ERC2: variants seen among roughly 807,000 people sequenced by gnomAD.
The protein encoded by ERC2 is ERC protein 2.
Under a neutral mutation model 114.8 loss-of-function variants are expected in ERC2, and 42 were observed. The ratio of observed to expected loss-of-function variants is 0.37; its 90% CI spans 0.29 to 0.47. The LOEUF is 0.47. Ranked by LOEUF, ERC2 falls within the 20% of genes least tolerant of loss-of-function variation. The probability of loss-of-function intolerance (pLI) is 0.99; values close to 1 mark genes in which losing one functional copy is unlikely to be tolerated. For missense variants in ERC2, 939 were observed against 1,150.7 expected, an observed-to-expected ratio of 0.82 and a Z score of 2.66; for synonymous variants, 454 against 425.5, an observed-to-expected ratio of 1.07 and a Z score of -0.82.
At chr3:56,222,477 A>G (rs985583585) in intron 3 of ERC2, among the ~76,000 whole-genome samples, 7 of 152,060 alleles carry the variant, frequency 4.6e-5, no homozygotes, top group East Asian at 3.9e-4. Flanking sequence ...TCTTCTCTCA[A>G]TTCTCAACTA....
intron 1 of ERC2, among the ~76,000 whole-genome samples, chr3:56,461,477 G>A (rs561421260): frequency 3.9e-4 from 60 of 152,298 alleles, no homozygotes; most frequent in African/African-American, 1.4e-3. Flanking sequence ...AGAGGGCACT[G>A]GGTGCTCTCA....
At chr3:56,037,353 C>T (rs2074872446) in intron 7 of ERC2, among the ~76,000 whole-genome samples, 2 of 152,138 alleles carry the variant, frequency 1.3e-5, no homozygotes, top group African/African-American at 4.8e-5. Flanking sequence ...TAGAGAGGAA[C>T]ATAAATGACT....
chr3:56,380,171 TACA>T (rs1437461825), intron 2 of ERC2, among the ~76,000 whole-genome samples: 1 of 152,172 alleles, frequency 6.6e-6, no homozygotes, highest in Non-Finnish European at 1.5e-5. Context: ...GTGTTTCATA[TACA>T]TTATCTCACT....
intron 14 of ERC2, among the ~76,000 whole-genome samples, chr3:55,781,053 G>C (rs1341604039): frequency 6.6e-6 from 1 of 152,176 alleles, no homozygotes; most frequent in African/African-American, 2.4e-5. Flanking sequence ...AAATACATTT[G>C]GACATTATAT....
intron 12 of ERC2, among the ~76,000 whole-genome samples, chr3:55,978,673 A>G (rs1015042724): frequency 3.3e-5 from 5 of 152,188 alleles, no homozygotes; most frequent in African/African-American, 9.7e-5. Flanking sequence ...GGTAAGCTAT[A>G]ATATAATTGT....
intron 17 of ERC2, among the ~76,000 whole-genome samples, chr3:55,629,074 G>T (rs544757002): frequency 6.6e-6 from 1 of 152,342 alleles, no homozygotes; most frequent in Admixed American, 6.5e-5. Flanking sequence ...GGGACAAGAA[G>T]AAATCTCCCT....
chr3:56,386,416 G>C (rs558503877), intron 2 of ERC2, among the ~76,000 whole-genome samples: 224 of 152,250 alleles, frequency 1.5e-3, no homozygotes, highest in African/African-American at 5.1e-3. Flanking sequence ...TTGATGGAAA[G>C]AACTGGATCA....
At chr3:55,622,776 G>A (rs2059375754) in intron 17 of ERC2, among the ~76,000 whole-genome samples, 1 of 151,886 alleles carries the variant, frequency 6.6e-6, no homozygotes, top group South Asian at 2.1e-4. Context: ...ACAGAAGAGG[G>A]TCATATTACT....
intron 2 of ERC2, among the ~76,000 whole-genome samples, chr3:56,410,538 T>A (rs760781923): frequency 6.6e-6 from 1 of 152,190 alleles, no homozygotes; most frequent in Non-Finnish European, 1.5e-5. Flanking sequence ...AGTTTACAGA[T>A]GTGGAAACAG....
chr3:55,790,477 C>T (rs760828729), intron 14 of ERC2, among the ~76,000 whole-genome samples: 3 of 152,162 alleles, frequency 2.0e-5, no homozygotes, highest in African/African-American at 7.2e-5. Flanking sequence ...CAGAGTCCTA[C>T]CGTTGACACC....
At chr3:56,152,639 T>G (rs1203358171) in intron 4 of ERC2, among the ~76,000 whole-genome samples, 1 of 152,136 alleles carries the variant, frequency 6.6e-6, no homozygotes, top group Non-Finnish European at 1.5e-5. Context: ...TATATTATAT[T>G]TTGGTTATGG....
intron 2 of ERC2, chr3:56,433,730 G>A (rs2061895281): frequency 6.5e-6 from 1 of 153,558 alleles, no homozygotes; most frequent in Non-Finnish European, 1.4e-5. Flanking sequence ...AGAAGAGTAT[G>A]AAGGTGACTT....
intron 14 of ERC2, among the ~76,000 whole-genome samples, chr3:55,785,727 C>T (rs1427752548): frequency 6.6e-6 from 1 of 152,224 alleles, no homozygotes; most frequent in Non-Finnish European, 1.5e-5. Flanking sequence ...ATTCTCTTGA[C>T]TAGATCTATA....
intron 3 of ERC2, among the ~76,000 whole-genome samples, chr3:56,176,356 G>T (rs747590802): frequency 6.6e-6 from 1 of 152,122 alleles, no homozygotes; most frequent in Non-Finnish European, 1.5e-5. Context: ...CATAGGTAAA[G>T]GCAGGTGCTG....
intron 17 of ERC2, among the ~76,000 whole-genome samples, chr3:55,659,853 G>A (rs1259556834): frequency 2.7e-5 from 4 of 150,858 alleles, no homozygotes; most frequent in South Asian, 2.1e-4. Flanking sequence ...CTACTTATCC[G>A]TGAGGCCACA....
chr3:55,809,056 C>A (rs887912637), intron 14 of ERC2, among the ~76,000 whole-genome samples: 4 of 151,864 alleles, frequency 2.6e-5, no homozygotes, highest in Non-Finnish European at 5.9e-5. Context: ...TAAAAAAATC[C>A]TACAGAATTC....
intron 10 of ERC2, among the ~76,000 whole-genome samples, chr3:55,997,936 T>G (rs1576503347): frequency 2.1e-5 from 3 of 142,280 alleles, no homozygotes; most frequent in African/African-American, 2.6e-5. Context: ...TTTGTTTTTT[T>G]TTTTTTTTTG....
chr3:56,013,412 A>C (rs1261661995), intron 8 of ERC2, among the ~76,000 whole-genome samples: 1 of 152,178 alleles, frequency 6.6e-6, no homozygotes, highest in Non-Finnish European at 1.5e-5. Flanking sequence ...GCAAAACTCC[A>C]TTTAAAGAAG....
At chr3:55,691,771 T>TA (rs2062683723) in intron 16 of ERC2, among the ~76,000 whole-genome samples, 1 of 151,764 alleles carries the variant, frequency 6.6e-6, no homozygotes, top group African/African-American at 2.4e-5. Flanking sequence ...TATACGGTGT[T>TA]AATTTTTCTT....
Sources: gnomAD v4.1 joint callset for allele counts (sites outside exome capture counted in the v4.1 genomes callset) on GRCh38, gnomAD v4.1.1 for gene constraint, MANE v1.5 for transcripts, NCBI Gene and HGNC (gene_info 2026-07-23, HGNC 2026-07-21) for gene names.